TBCD: variants seen among roughly 807,000 people sequenced by gnomAD.
TBCD encodes the protein tubulin folding cofactor D, also known as tubulin-specific chaperone D.
A neutral mutation model predicts 169.3 loss-of-function variants in TBCD; 105 were observed. That is an observed-to-expected ratio of 0.62 (90% confidence interval 0.53 to 0.73). The LOEUF is 0.73. TBCD is among the 30% of genes least tolerant of loss of function. The probability of loss-of-function intolerance (pLI) is 0.00; values close to 1 mark genes in which losing one functional copy is unlikely to be tolerated. For missense variants in TBCD, 1,444 were observed against 1,600.1 expected (o/e 0.90, Z 1.66); for synonymous variants, 700 against 643.9 (o/e 1.09, Z -1.32).
intron 4 of TBCD, 110 bp from the exon 5 acceptor site, chr17:82,768,310 G>A: frequency 1.5e-6 from 2 of 1,325,158 alleles, no homozygotes; most frequent in South Asian, 1.3e-5. Context: ...CATTTGAATG[G>A]CTTTCATAGG....
intron 6 of TBCD, among the ~76,000 whole-genome samples, chr17:82,780,645 CTTT>C (rs36145167): frequency 1.9e-5 from 2 of 104,724 alleles, no homozygotes; most frequent in Admixed American, 1.1e-4. Flanking sequence ...AAGACTTGGG[CTTT>C]TTTTTTTTTT....
intron 8 of TBCD, 29 bp downstream of exon 8, chr17:82,797,831 T>C (rs1253169421): frequency 6.5e-7 from 1 of 1,542,264 alleles, no homozygotes. Flanking sequence ...AGACGATATC[T>C]TTGTGATGTG....
At chr17:82,842,320 G>A (rs549007097) in intron 13 of TBCD, among the ~76,000 whole-genome samples, 1 of 152,194 alleles carries the variant, frequency 6.6e-6, no homozygotes, top group Non-Finnish European at 1.5e-5. Flanking sequence ...TTATCCCAGC[G>A]CCTGGCTGGG....
At chr17:82,916,664 A>G (rs2061056512) in intron 23 of TBCD, among the ~76,000 whole-genome samples, 1 of 152,156 alleles carries the variant, frequency 6.6e-6, no homozygotes, top group Non-Finnish European at 1.5e-5. Flanking sequence ...TCTACTTATT[A>G]CTGTATTGGA....
chr17:82,855,169 G>T (rs1225003730), intron 13 of TBCD, among the ~76,000 whole-genome samples: 5 of 147,994 alleles, frequency 3.4e-5, no homozygotes, highest in African/African-American at 1.2e-4. Context: ...TGGATGTGCA[G>T]ACCCTATGCG....
At position 82,833,129 on chromosome 17, in the gene TBCD, C is replaced by A. The variant is rs1028687130; in HGVS notation, c.1318+18195C>A. On this transcript the variant is annotated intron_variant, in intron 13 of 38. Coordinates refer to ENST00000355528, the MANE Select transcript of TBCD (RefSeq NM_005993.5). The surrounding 1 kb of genome is among the most constrained non-coding windows in gnomAD (Gnocchi z 4.7). ...ATCGGCCACACTCTCACGTGAAATA[C>A]GAAGGGGTTTGTGGCTGTTTCCCCT... Among the ~76,000 whole-genome samples, 2 of 152,078 alleles carry A rather than the reference C, an allele frequency of 1.3e-5. No individual in the cohort carries two copies. Among genetic ancestry groups the A allele is most frequent in the Admixed American group, 6.5e-5 (1 of 15,280 alleles).
intron 3 of TBCD, 136 bp from the exon 4 acceptor site, chr17:82,766,131 T>C (rs2048005262): frequency 1.0e-5 from 7 of 697,392 alleles, no homozygotes; most frequent in Non-Finnish European, 1.7e-5. Context: ...TACTAAATTG[T>C]GTCACTGTAA....
rs547683356 is a variant in TBCD at position 82,828,822 on chromosome 17, T to G, written c.1318+13888T>G. Among the ~76,000 whole-genome samples the G allele has an allele frequency of 2.1e-4, 31 of 150,584 alleles. No individual in the cohort carries two copies. In the South Asian group the frequency reaches 5.9e-3, roughly 29 times the overall value. ...ACATGTGCACACCCACAGGATCGAA[T>G]GTGCACGCCTAATCAGATGTGTACA... On this transcript the variant is annotated intron_variant, in intron 13 of 38. Transcript: ENST00000355528.
At chr17:82,932,005 TCTG>T (rs1256430038) in intron 33 of TBCD, 1 of 154,970 alleles carries the variant, frequency 6.5e-6, no homozygotes, top group Non-Finnish European at 1.4e-5. Context: ...ACTGTTGTGG[TCTG>T]ATCCTCCCTT....
chr17:82,838,812 G>A (rs2054204805), intron 13 of TBCD: 2 of 985,318 alleles, frequency 2.0e-6, no homozygotes, highest in Non-Finnish European at 2.4e-6. Flanking sequence ...TTCGGCAGGA[G>A]ATCCCGAGTT....
At chr17:82,812,143 T>A (rs566814278) in intron 12 of TBCD, among the ~76,000 whole-genome samples, 3 of 151,796 alleles carry the variant, frequency 2.0e-5, no homozygotes, top group Non-Finnish European at 4.4e-5. Context: ...AGAAGCAGGG[T>A]GCCTTGGAGA....
intron 13 of TBCD, among the ~76,000 whole-genome samples, chr17:82,849,674 C>T (rs1421827920): frequency 6.6e-6 from 1 of 152,258 alleles, no homozygotes; most frequent in Non-Finnish European, 1.5e-5. Context: ...GTGGGACTGC[C>T]ATTGTCCAGA....
At chr17:82,798,221 A>G (rs2144628414) in intron 8 of TBCD, among the ~76,000 whole-genome samples, 1 of 146,878 alleles carries the variant, frequency 6.8e-6, no homozygotes, top group South Asian at 2.1e-4. Context: ...ATCTCAGCTC[A>G]CTGCAAACTC....
intron 12 of TBCD, among the ~76,000 whole-genome samples, chr17:82,812,213 C>G (rs1480545051): frequency 1.3e-5 from 2 of 152,272 alleles, no homozygotes; most frequent in South Asian, 4.1e-4. Context: ...ACCAACTGAA[C>G]CTGTGCCCGG....
At chr17:82,855,993 CTTTTTTTTTT>C (rs60978063) in intron 13 of TBCD, among the ~76,000 whole-genome samples, 4 of 66,268 alleles carry the variant, frequency 6.0e-5, no homozygotes, top group East Asian at 5.4e-4. Flanking sequence ...TCCCCCCCCA[CTTTTTTTTTT>C]TTTTTTTTTT....
intron 13 of TBCD, among the ~76,000 whole-genome samples, chr17:82,853,493 C>T (rs2055988532): frequency 6.6e-6 from 1 of 151,806 alleles, no homozygotes; most frequent in African/African-American, 2.4e-5. Context: ...GCTTTGAACT[C>T]ATGGGCTAGA....
At chr17:82,826,140 A>G (rs996702952) in intron 13 of TBCD, among the ~76,000 whole-genome samples, 2 of 151,524 alleles carry the variant, frequency 1.3e-5, no homozygotes, top group African/African-American at 2.4e-5. Flanking sequence ...AGAAAATAAC[A>G]TAAACATAAA....
chr17:82,755,362 G>C (rs1295954884), intron 1 of TBCD, among the ~76,000 whole-genome samples: 1 of 152,198 alleles, frequency 6.6e-6, no homozygotes, highest in Non-Finnish European at 1.5e-5. Flanking sequence ...AAAAGACCTA[G>C]AAAAGGAAGG....
chr17:82,764,737 T>G (rs2047938413), intron 3 of TBCD, among the ~76,000 whole-genome samples: 1 of 152,070 alleles, frequency 6.6e-6, no homozygotes, highest in African/African-American at 2.4e-5. Flanking sequence ...TAGGCGGGGG[T>G]CTCATAGTCT....
Sources: gnomAD v4.1 joint callset for allele counts (sites outside exome capture counted in the v4.1 genomes callset) on GRCh38, gnomAD v4.1.1 for gene constraint, Gnocchi (gnomAD v3.1) non-coding constraint, MANE v1.5 for transcripts, NCBI Gene and HGNC (gene_info 2026-07-23, HGNC 2026-07-21) for gene names.